Variants in ACSS1 observed in about 807,000 individuals in gnomAD.
ACSS1 encodes acetyl-coenzyme A synthetase 2-like, mitochondrial.
ACSS1 carries 42 observed loss-of-function variants against 75.3 expected under a neutral mutation model. That is an observed-to-expected ratio of 0.56 (90% confidence interval 0.44 to 0.72). The LOEUF (loss-of-function observed/expected upper bound fraction) is 0.72. Ranked by LOEUF, ACSS1 falls within the 30% of genes least tolerant of loss-of-function variation. The probability of loss-of-function intolerance (pLI) is 0.00; values close to 1 mark genes in which losing one functional copy is unlikely to be tolerated. For synonymous variants in ACSS1, 380 were observed against 376.8 expected, an observed-to-expected ratio of 1.01 and a Z score of -0.10; for missense variants, 782 against 935.7, an observed-to-expected ratio of 0.84 and a Z score of 2.14.
intron 2 of ACSS1, among the ~76,000 whole-genome samples, chr20:25,037,713 A>T (rs958291054): frequency 6.6e-6 from 1 of 152,238 alleles, no homozygotes; most frequent in Admixed American, 6.5e-5. Flanking sequence ...AGCCTTAGGG[A>T]AGGGAAGCCT....
intron 3 of ACSS1, among the ~76,000 whole-genome samples, chr20:25,029,234 T>C (rs1193280204): frequency 6.6e-6 from 1 of 152,226 alleles, no homozygotes; most frequent in African/African-American, 2.4e-5. Flanking sequence ...AAGTAGACTT[T>C]GTCCAGTGAA....
chr20:25,053,098 C>T (rs1279230127), intron 1 of ACSS1, among the ~76,000 whole-genome samples: 1 of 144,558 alleles, frequency 6.9e-6, no homozygotes, highest in African/African-American at 2.6e-5. Flanking sequence ...GGGTCTCACT[C>T]CATTGCCCAG....
chr20:25,008,007 C>A, intron 13 of ACSS1, 66 bp from the exon 14 acceptor site: 2 of 1,549,836 alleles, frequency 1.3e-6, no homozygotes, highest in Non-Finnish European at 1.7e-6. Flanking sequence ...GCGTGGACTG[C>A]ATTAAGATCA....
intron 1 of ACSS1, among the ~76,000 whole-genome samples, chr20:25,052,413 T>C (rs952305656): frequency 5.3e-5 from 8 of 152,196 alleles, no homozygotes; most frequent in African/African-American, 1.9e-4. Context: ...GTCCTTCGCC[T>C]CTCAGAGGCC....
chr20:25,043,923 TC>T (rs2089044604), intron 2 of ACSS1, among the ~76,000 whole-genome samples: 1 of 152,152 alleles, frequency 6.6e-6, no homozygotes. Flanking sequence ...CTTAAGATGC[TC>T]TCATTTAAGT....
chr20:25,038,138 G>A (rs978417848), intron 2 of ACSS1, among the ~76,000 whole-genome samples: 6 of 152,212 alleles, frequency 3.9e-5, no homozygotes, highest in African/African-American at 1.4e-4. Flanking sequence ...AGTGATGCCA[G>A]CTCAGCCAGT....
chr20:25,024,349 C>G (rs1028414547), intron 3 of ACSS1, among the ~76,000 whole-genome samples: 1 of 152,224 alleles, frequency 6.6e-6, no homozygotes, highest in Non-Finnish European at 1.5e-5. Flanking sequence ...GGCCTCAAGA[C>G]CCCAGGAAAA....
At chr20:25,057,313 G>A (rs2089255758) in intron 1 of ACSS1, among the ~76,000 whole-genome samples, 1 of 152,232 alleles carries the variant, frequency 6.6e-6, no homozygotes, top group African/African-American at 2.4e-5. Flanking sequence ...TGATCCCCGG[G>A]CACCGCAGCC....
chr20:25,050,381 C>T (rs4815363), intron 1 of ACSS1, among the ~76,000 whole-genome samples: 116,852 of 151,808 alleles, frequency 0.77, 46,532 homozygotes, highest in East Asian at 1. Flanking sequence ...ACACTGTCTG[C>T]ACCCACCATC....
At chr20:25,053,705 C>T (rs1043295633) in intron 1 of ACSS1, among the ~76,000 whole-genome samples, 1 of 152,124 alleles carries the variant, frequency 6.6e-6, no homozygotes, top group Non-Finnish European at 1.5e-5. Context: ...CTACAGCAAA[C>T]ACAGAGGAAC....
At chr20:25,036,620 C>T (rs1270372914) in intron 2 of ACSS1, among the ~76,000 whole-genome samples, 1 of 152,012 alleles carries the variant, frequency 6.6e-6, no homozygotes, top group Non-Finnish European at 1.5e-5. Flanking sequence ...GATGAAGGCC[C>T]AGGATAAGTA....
chr20:25,026,864 T>C (rs554034947), intron 3 of ACSS1, among the ~76,000 whole-genome samples: 1 of 152,184 alleles, frequency 6.6e-6, no homozygotes, highest in East Asian at 1.9e-4. Context: ...TGCCCTCCCA[T>C]GCTTGGTTGT....
intron 3 of ACSS1, among the ~76,000 whole-genome samples, chr20:25,030,276 T>C (rs2088799075): frequency 6.6e-6 from 1 of 152,192 alleles, no homozygotes. Context: ...GAAGTTATTG[T>C]TCTGCACAAT....
At chr20:25,023,398 C>T (rs767660857) in intron 4 of ACSS1, 68 bp downstream of exon 4, 234 of 1,584,852 alleles carry the variant, frequency 1.5e-4, no homozygotes, top group Non-Finnish European at 1.9e-4. Context: ...AACCACAACC[C>T]GAGAAGCCTC....
Position 25,007,874 on chromosome 20 carries a change from G to C in ACSS1, c.1958C>G (p.Thr653Ser). The change falls in exon 14 of 14, where the codon ACT (threonine) becomes AGT (serine). Residue 653 changes from threonine (T) to serine (S), a missense_variant. Thr to Ser is a moderately conservative substitution (Grantham distance 58). Around this residue, in one of 2 missense-constraint regions of ACSS1, gnomAD observed 405 missense variants for 552.6 expected, o/e 0.73. Transcript: ENST00000323482. ...GTCTCCCAGCTCCTGGGCCTCACTA[G>C]TGATGATCTTCCTCAGGAGCCGCCG... is the stretch of plus-strand genomic sequence containing the variant. Reference protein sequence around the residue: ...VMRRLLRKIITSEAQELGDTT... With the variant: ...VMRRLLRKIISSEAQELGDTT... The C allele has an allele frequency of 6.2e-7, 1 of 1,614,220 alleles. No homozygotes were observed. The highest frequency in any genetic ancestry group is 8.5e-7 in the Non-Finnish European group (1 of 1,180,034).
chr20:25,008,358 T>C (rs1284967252), intron 13 of ACSS1, among the ~76,000 whole-genome samples: 1 of 152,238 alleles, frequency 6.6e-6, no homozygotes, highest in Non-Finnish European at 1.5e-5. Flanking sequence ...AATTTTGTCT[T>C]AGTGTTTGAA....
intron 2 of ACSS1, among the ~76,000 whole-genome samples, chr20:25,044,423 C>T: frequency 6.6e-6 from 1 of 152,132 alleles, no homozygotes; most frequent in East Asian, 1.9e-4. Context: ...CCCAGGAGTT[C>T]CAGACCAACC....
intron 13 of ACSS1, among the ~76,000 whole-genome samples, chr20:25,008,928 A>T (rs2088359053): frequency 6.6e-6 from 1 of 152,190 alleles, no homozygotes; most frequent in Admixed American, 6.5e-5. Flanking sequence ...ACTCCTGGAC[A>T]GGTGAGCTGG....
intron 2 of ACSS1, among the ~76,000 whole-genome samples, chr20:25,040,710 C>T (rs931217563): frequency 2.6e-5 from 4 of 152,218 alleles, no homozygotes; most frequent in Non-Finnish European, 2.9e-5. Flanking sequence ...AACTGCTCCA[C>T]GGAGCCCGTT....
Sources: allele counts gnomAD v4.1 joint callset (sites outside exome capture counted in the v4.1 genomes callset), GRCh38; gene constraint gnomAD v4.1.1; regional missense constraint gnomAD v4.1.1; transcripts MANE v1.5; gene names NCBI Gene and HGNC (gene_info 2026-07-23, HGNC 2026-07-21).